Variants in CNTLN observed in about 807,000 individuals in gnomAD.
The protein encoded by CNTLN is centlein.
In CNTLN, 212 loss-of-function variants were observed where a neutral mutation model predicts 180.0. That is an observed-to-expected ratio of 1.18 (90% CI 1.05 to 1.32). The LOEUF (loss-of-function observed/expected upper bound fraction) is 1.32. CNTLN is among the 40% of genes most tolerant of loss of function. The pLI is 0.00. For missense variants in CNTLN, 2,095 were observed against 1,610.9 expected (o/e 1.30, Z -5.14); for synonymous variants, 722 against 563.1 (o/e 1.28, Z -3.99).
At chr9:17,518,214 A>G in the CNTLN span, among the ~76,000 whole-genome samples, 1 of 150,830 alleles carries the variant, frequency 6.6e-6, no homozygotes, top group African/African-American at 2.4e-5. Flanking sequence ...CACCCAGCTA[A>G]TTTTTGCATT....
At chr9:17,183,772 A>T (rs1418521421) in intron 2 of CNTLN, among the ~76,000 whole-genome samples, 1 of 152,102 alleles carries the variant, frequency 6.6e-6, no homozygotes, top group African/African-American at 2.4e-5. Flanking sequence ...CTAAACATGA[A>T]ATACACTTCT....
At chr9:17,509,677 G>A in the CNTLN span, among the ~76,000 whole-genome samples, 12 of 152,232 alleles carry the variant, frequency 7.9e-5, no homozygotes, top group African/African-American at 2.6e-4. Context: ...CTAATATATG[G>A]TGCCATTTCT....
intron 23 of CNTLN, among the ~76,000 whole-genome samples, chr9:17,474,089 T>A (rs1339014740): frequency 2.6e-5 from 4 of 152,102 alleles, no homozygotes; most frequent in African/African-American, 9.7e-5. Context: ...CTATACTCGC[T>A]CTCTAGACAA....
chr9:17,255,203 G>C (rs1826398814), intron 5 of CNTLN, among the ~76,000 whole-genome samples: 1 of 151,684 alleles, frequency 6.6e-6, no homozygotes, highest in Non-Finnish European at 1.5e-5. Flanking sequence ...CTCTGGCTAG[G>C]ACATTAAATA....
chr9:17,374,946 A>G (rs958091424), intron 13 of CNTLN, among the ~76,000 whole-genome samples: 7 of 152,148 alleles, frequency 4.6e-5, no homozygotes, highest in Non-Finnish European at 8.8e-5. Flanking sequence ...GGAAATCAGT[A>G]TATTGAAGAG....
chr9:17,184,575 A>T (rs1369055784), intron 2 of CNTLN, among the ~76,000 whole-genome samples: 1 of 152,184 alleles, frequency 6.6e-6, no homozygotes, highest in East Asian at 1.9e-4. Flanking sequence ...TTTTAGAATT[A>T]TGAATTGTAT....
rs543449916 is a variant in CNTLN, at chr9:17,502,667, G to C, written c.*15G>C. 4 of 1,064,806 alleles carry C rather than the reference G, an allele frequency of 3.8e-6. No homozygotes were observed. In the African/African-American group the frequency reaches 6.7e-5, roughly 18 times the overall value. The allele number at this position is 1,064,806 out of a possible 1,614,324, so 66.0% of individuals were successfully genotyped here. A position where few individuals can be genotyped will look rare whatever the true frequency, so the allele number is the denominator to read the frequency against. Reference sequence around the variant, plus strand: ...ATATTAGATGATATTAAAATGGAGAGCTTTATTGCAAATGTGAAAACTTTT... The same window carrying C: ...ATATTAGATGATATTAAAATGGAGACCTTTATTGCAAATGTGAAAACTTTT... On this transcript the variant is annotated 3_prime_UTR_variant, in exon 26 of 26. Transcript: ENST00000380647.
At chr9:17,258,613 T>G (rs955456166) in intron 5 of CNTLN, among the ~76,000 whole-genome samples, 1 of 150,340 alleles carries the variant, frequency 6.7e-6, no homozygotes, top group Non-Finnish European at 1.5e-5. Context: ...CCCATGAACA[T>G]GGAATGTTCT....
intron 5 of CNTLN, among the ~76,000 whole-genome samples, chr9:17,251,584 G>C (rs950020966): frequency 1.3e-5 from 2 of 151,790 alleles, no homozygotes; most frequent in African/African-American, 4.8e-5. Flanking sequence ...TTTTGTGTGT[G>C]TATTTTGTTC....
chr9:17,225,445 A>G (rs1824405956), intron 2 of CNTLN, among the ~76,000 whole-genome samples: 1 of 151,926 alleles, frequency 6.6e-6, no homozygotes, highest in East Asian at 1.9e-4. Context: ...TTAATTATTT[A>G]TGTTTTTCTA....
chr9:17,522,246 T>G, the CNTLN span, among the ~76,000 whole-genome samples: 1 of 152,160 alleles, frequency 6.6e-6, no homozygotes, highest in Non-Finnish European at 1.5e-5. Flanking sequence ...TTGCCTTCCC[T>G]CCATCCATAC....
intron 25 of CNTLN, among the ~76,000 whole-genome samples, chr9:17,498,674 G>A (rs539423840): frequency 6.6e-6 from 1 of 152,284 alleles, no homozygotes; most frequent in South Asian, 2.1e-4. Flanking sequence ...GTCTAACTCT[G>A]TGCTGATATG....
chr9:17,158,232 A>G (rs1819434136), intron 2 of CNTLN, among the ~76,000 whole-genome samples: 1 of 152,112 alleles, frequency 6.6e-6, no homozygotes, highest in African/African-American at 2.4e-5. Flanking sequence ...TCAACCTTGC[A>G]TCTGTAGGAT....
chr9:17,391,127 C>A (rs534370065), intron 14 of CNTLN, among the ~76,000 whole-genome samples: 1 of 152,226 alleles, frequency 6.6e-6, no homozygotes, highest in East Asian at 1.9e-4. Flanking sequence ...AAAGGATAGC[C>A]ATGTAGAAAT....
chr9:17,151,865 G>A (rs767676544), intron 2 of CNTLN, among the ~76,000 whole-genome samples: 12 of 151,990 alleles, frequency 7.9e-5, no homozygotes, highest in Non-Finnish European at 1.5e-4. Flanking sequence ...TCCAGGATTC[G>A]ATTTCTTCCT....
At chr9:17,272,231 C>G (rs958148393) in intron 5 of CNTLN, among the ~76,000 whole-genome samples, 4 of 152,128 alleles carry the variant, frequency 2.6e-5, no homozygotes, top group African/African-American at 9.6e-5. Context: ...TGCGTGCCAC[C>G]ATGCCCAACT....
intron 19 of CNTLN, among the ~76,000 whole-genome samples, chr9:17,462,708 T>C (rs780532448): frequency 6.6e-6 from 1 of 151,628 alleles, no homozygotes; most frequent in Non-Finnish European, 1.5e-5. Flanking sequence ...TGTTCCTCTA[T>C]AGTTTGGCAT....
chr9:17,274,625 G>T (rs1828192715), intron 6 of CNTLN, among the ~76,000 whole-genome samples: 1 of 152,026 alleles, frequency 6.6e-6, no homozygotes, highest in Non-Finnish European at 1.5e-5. Context: ...TCGAAGATAT[G>T]CTTCTAGAGG....
chr9:17,394,783 C>T lies in CNTLN; in HGVS notation c.2329C>T (p.Gln777Ter), dbSNP rs758907192. The change falls in exon 15 of 26, where the codon CAA becomes TAA. Residue 777 changes from glutamine (Q) to a stop codon, truncating the protein, a stop_gained. Transcript: ENST00000380647. LOFTEE classifies it high-confidence loss of function. ...LETEVTSLRR[Q>*]VAEANALRNE... ...GACAGAAGTCACTTCCCTGAGGAGA[C>T]AAGTGGCAGAAGCTAATGCATTGAG... 1 of 1,613,902 alleles carries T rather than the reference C, an allele frequency of 6.2e-7. No individual in the cohort carries two copies. Among genetic ancestry groups the T allele is most frequent in the African/African-American group, 1.3e-5 (1 of 74,982 alleles).
Sources: gnomAD v4.1 joint callset for allele counts (sites outside exome capture counted in the v4.1 genomes callset) on GRCh38, gnomAD v4.1.1 for gene constraint, MANE v1.5 for transcripts, NCBI Gene and HGNC (gene_info 2026-07-23, HGNC 2026-07-21) for gene names.